The following TAF12 variants were observed in gnomAD, a reference collection of about 807,000 sequenced individuals.
The protein encoded by TAF12 is TATA-box binding protein associated factor 12.
A neutral mutation model predicts 20.8 loss-of-function variants in TAF12; 3 were observed. That is an observed-to-expected ratio of 0.14 (90% confidence interval 0.07 to 0.37). The LOEUF is 0.37. Among genes scored for constraint, TAF12 ranks in the 10% least tolerant of loss-of-function variants. The pLI is 1.00. For missense variants in TAF12, 131 were observed against 197.9 expected (o/e 0.66, Z 2.03); for synonymous variants, 69 against 70.2 (o/e 0.98, Z 0.09).
At chr1:28,643,269 G>T, upstream of TAF12, 1 of 220,978 alleles carries the variant, frequency 4.5e-6, no homozygotes, top group Non-Finnish European at 7.6e-6. Flanking sequence ...GCATGAGCGA[G>T]CTCTGCGTAT....
chr1:28,634,223 G>T (rs1156376250), intron 1 of TAF12, among the ~76,000 whole-genome samples: 13 of 149,664 alleles, frequency 8.7e-5, no homozygotes. Flanking sequence ...AGACCATCCT[G>T]ACCAACATGG....
upstream of TAF12, among the ~76,000 whole-genome samples, chr1:28,645,614 C>A (rs1253311155): frequency 1.3e-5 from 2 of 151,484 alleles, no homozygotes; most frequent in East Asian, 3.9e-4. Flanking sequence ...AGCCAGTGCA[C>A]TCCAGCCTGC....
chr1:28,646,763 A>G (rs1668199686), upstream of TAF12, among the ~76,000 whole-genome samples: 1 of 146,512 alleles, frequency 6.8e-6, no homozygotes, highest in Non-Finnish European at 1.5e-5. Flanking sequence ...CAGTGGTGCA[A>G]TCTCGGCTCA....
chr1:28,625,793 G>A (rs1321505925), intron 1 of TAF12, among the ~76,000 whole-genome samples: 17 of 151,564 alleles, frequency 1.1e-4, no homozygotes, highest in African/African-American at 2.9e-4. Flanking sequence ...CGCCTGCCTC[G>A]GCCTCCCAAA....
intron 4 of TAF12, among the ~76,000 whole-genome samples, chr1:28,611,212 G>A (rs1396740248): frequency 6.6e-6 from 1 of 151,734 alleles, no homozygotes; most frequent in Admixed American, 6.6e-5. Flanking sequence ...TAGAGAGACG[G>A]TGGGTGGGGA....
chr1:28,607,094 A>G (rs1666691103), intron 4 of TAF12, among the ~76,000 whole-genome samples: 1 of 152,154 alleles, frequency 6.6e-6, no homozygotes. Context: ...TAACTGGCAT[A>G]GGGGCATGGC....
chr1:28,613,739 T>C (rs373559940), intron 3 of TAF12, among the ~76,000 whole-genome samples: 2 of 152,164 alleles, frequency 1.3e-5, no homozygotes, highest in African/African-American at 4.8e-5. Context: ...GTGAAGAAAA[T>C]GGGACATGGA....
At chr1:28,618,339 A>C (rs60942927) in intron 2 of TAF12, among the ~76,000 whole-genome samples, 2 of 152,102 alleles carry the variant, frequency 1.3e-5, no homozygotes, top group African/African-American at 4.8e-5. Flanking sequence ...TGACCACCAC[A>C]AATTGTACCA....
intron 1 of TAF12, among the ~76,000 whole-genome samples, chr1:28,635,249 TA>T (rs1362928748): frequency 8.1e-6 from 1 of 123,080 alleles, no homozygotes; most frequent in Non-Finnish European, 1.7e-5. Context: ...AATAAATAAA[TA>T]AAAAAAACCA....
chr1:28,622,270 A>G (rs1667244184), intron 1 of TAF12, 105 bp from the exon 2 acceptor site: 1 of 1,188,370 alleles, frequency 8.4e-7, no homozygotes, highest in Non-Finnish European at 1.1e-6. Context: ...CTGTAATCCC[A>G]GCACTTTGGG....
chr1:28,615,165 A>G (rs1034966056), intron 3 of TAF12, among the ~76,000 whole-genome samples: 1 of 152,148 alleles, frequency 6.6e-6, no homozygotes, highest in Non-Finnish European at 1.5e-5. Context: ...TGAGATTTTT[A>G]TCAGTCAATA....
At chr1:28,626,586 A>T (rs1402348214) in intron 1 of TAF12, among the ~76,000 whole-genome samples, 4 of 151,104 alleles carry the variant, frequency 2.6e-5, no homozygotes, top group Admixed American at 6.6e-5. Flanking sequence ...TGTCTCAAAA[A>T]AAAAAAAAAA....
At chr1:28,636,923 T>C (rs1239251605) in intron 1 of TAF12, among the ~76,000 whole-genome samples, 2 of 152,160 alleles carry the variant, frequency 1.3e-5, no homozygotes, top group African/African-American at 2.4e-5. Context: ...TAGTACATTG[T>C]GATAGGCCTG....
intron 4 of TAF12, among the ~76,000 whole-genome samples, chr1:28,612,493 T>C (rs142436262): frequency 0.029 from 4,256 of 146,408 alleles, 81 homozygotes; most frequent in Middle Eastern, 0.043. Context: ...ATAAAGTATA[T>C]ACAAATATAT....
chr1:28,624,439 G>A (rs938489290), intron 1 of TAF12, among the ~76,000 whole-genome samples: 3 of 152,086 alleles, frequency 2.0e-5, no homozygotes, highest in Non-Finnish European at 2.9e-5. Context: ...TCACCACACT[G>A]TCTGACTTTC....
chr1:28,647,890 T>G (rs903186339), upstream of TAF12, among the ~76,000 whole-genome samples: 1 of 151,620 alleles, frequency 6.6e-6, no homozygotes, highest in Non-Finnish European at 1.5e-5. Context: ...AAAAAAATTG[T>G]GTTGATAAAG....
intron 1 of TAF12, among the ~76,000 whole-genome samples, chr1:28,623,329 C>T (rs950684909): frequency 5.3e-5 from 8 of 152,002 alleles, no homozygotes; most frequent in Admixed American, 2.0e-4. Context: ...TGAGACTAGC[C>T]TGACCAACAT....
intron 5 of TAF12, among the ~76,000 whole-genome samples, chr1:28,605,145 C>A (rs533072195): frequency 6.6e-6 from 1 of 152,108 alleles, no homozygotes; most frequent in African/African-American, 2.4e-5. Context: ...AACAGAGTTA[C>A]GAGAAAAAAC....
intron 1 of TAF12, among the ~76,000 whole-genome samples, chr1:28,633,804 C>T (rs184608622): frequency 6.7e-5 from 10 of 149,524 alleles, no homozygotes; most frequent in Admixed American, 2.0e-4. Context: ...CCCAGCTATT[C>T]GGGAGGCTGA....
Sources: allele counts gnomAD v4.1 joint callset (sites outside exome capture counted in the v4.1 genomes callset), GRCh38; gene constraint gnomAD v4.1.1; transcripts MANE v1.5; gene names NCBI Gene and HGNC (gene_info 2026-07-23, HGNC 2026-07-21).